Variants in SLFN5 observed in about 807,000 individuals in gnomAD.
SLFN5 encodes the protein schlafen family member 5.
Under a neutral mutation model 48.5 loss-of-function variants are expected in SLFN5, and 34 were observed. The observed-to-expected ratio is 0.70, with a 90% CI of 0.53 to 0.93. The LOEUF is 0.93. Ranked by LOEUF, SLFN5 falls within the 40% of genes least tolerant of loss-of-function variation. The probability of loss-of-function intolerance (pLI) is 0.00; values close to 1 mark genes in which losing one functional copy is unlikely to be tolerated. For missense variants in SLFN5, 1,006 were observed against 1,071.3 expected (o/e 0.94, Z 0.85); for synonymous variants, 387 against 396.2 (o/e 0.98, Z 0.28).
intron 3 of SLFN5, among the ~76,000 whole-genome samples, chr17:35,262,520 C>T (rs904423474): frequency 5.3e-5 from 8 of 152,106 alleles, no homozygotes; most frequent in African/African-American, 1.4e-4. Context: ...GGTATTATCA[C>T]GGCATTTCTC....
chr17:35,273,634 G>T lies in SLFN5; in HGVS notation c.*7746G>T, dbSNP rs1261439199. On this transcript the variant is annotated 3_prime_UTR_variant, in exon 5 of 5. Transcript: ENST00000299977. Reference sequence around the variant, plus strand: ...CTTCAAGCTTTTTTTTTAAATAAAAGAAATGCAATATTGCAATTAAATTTG... The same window carrying T: ...CTTCAAGCTTTTTTTTTAAATAAAATAAATGCAATATTGCAATTAAATTTG... The T allele has an allele frequency of 6.6e-6, 1 of 151,886 alleles. No individual in the cohort carries two copies. Among genetic ancestry groups the T allele is most frequent in the Non-Finnish European group, 1.5e-5 (1 of 67,974 alleles). The allele number at this position is 151,886 out of a possible 1,614,324, so 9.4% of individuals were successfully genotyped here. A position where few individuals can be genotyped will look rare whatever the true frequency, so the allele number is the denominator to read the frequency against.
chr17:35,249,541 A>G (rs989255314), intron 1 of SLFN5, among the ~76,000 whole-genome samples: 1 of 152,160 alleles, frequency 6.6e-6, no homozygotes, highest in Non-Finnish European at 1.5e-5. Flanking sequence ...CTTTTGCTCA[A>G]TCTCTTCCTC....
At chr17:35,249,092 C>T (rs190578616) in intron 1 of SLFN5, among the ~76,000 whole-genome samples, 1 of 152,132 alleles carries the variant, frequency 6.6e-6, no homozygotes, top group Non-Finnish European at 1.5e-5. Context: ...TAGGAAATAC[C>T]TTCCAACACA....
At chr17:35,262,831 C>A (rs1904559132) in intron 3 of SLFN5, among the ~76,000 whole-genome samples, 1 of 152,032 alleles carries the variant, frequency 6.6e-6, no homozygotes, top group African/African-American at 2.4e-5. Flanking sequence ...ACCATTGTAC[C>A]CCAGTTTAGG....
chr17:35,246,383 T>C (rs967609673), intron 1 of SLFN5, among the ~76,000 whole-genome samples: 4 of 152,172 alleles, frequency 2.6e-5, no homozygotes, highest in Non-Finnish European at 2.9e-5. Flanking sequence ...GGTGGTTTGC[T>C]GCACAGATCA....
chr17:35,259,012 G>T lies in SLFN5; in HGVS notation c.322G>T (p.Val108Leu). The T allele has an allele frequency of 6.2e-7, 1 of 1,614,190 alleles. No individual in the cohort carries two copies. The highest frequency in any genetic ancestry group is 1.1e-5 in the South Asian group (1 of 91,086). ...GAAATCATGGAACACAGAGGCTGGT[G>T]TGCCACTTGCTACCTTATGCTCCAA... ...FVKSWNTEAGVPLATLCSNLY... is the reference protein window; with the variant it reads ...FVKSWNTEAGLPLATLCSNLY... The change falls in exon 2 of 5, where the codon GTG (valine) becomes TTG (leucine). Residue 108 changes from valine (V) to leucine (L), a missense_variant. Val to Leu is a conservative substitution (Grantham distance 32). Transcript: ENST00000299977.
In SLFN5 at chr17:35,250,421, A is replaced by C. The variant is rs188026253; in HGVS notation, c.-41+7278A>C. Among the ~76,000 whole-genome samples the C allele has an allele frequency of 6.9e-4, 105 of 152,312 alleles. 1 individual carries two copies. The highest frequency in any genetic ancestry group is 2.4e-3 in the African/African-American group (98 of 41,582). On this transcript the variant is annotated intron_variant, in intron 1 of 4. Transcript: ENST00000299977. ...ACGCCTGTAATCCCAGCACTTTGGG[A>C]GGCCGAGGCGGGCGGATCACGAGGT...
Position 35,261,114 on chromosome 17 carries a change from G to A in SLFN5, c.1138+18G>A, listed in dbSNP as rs1167496746. ...CTTTCCAGGTAATTGGCCATCTCTG[G>A]TTGCTTTGGAATATGTTGATTGTTC... On this transcript the variant is annotated intron_variant, in intron 3 of 4. Coordinates refer to ENST00000299977, the MANE Select transcript of SLFN5 (RefSeq NM_144975.4). 2 of 1,611,200 alleles carry A rather than the reference G, an allele frequency of 1.2e-6. No homozygotes were observed. Among genetic ancestry groups the A allele is most frequent in the African/African-American group, 2.7e-5 (2 of 74,876 alleles).
chr17:35,243,977 A>G (rs1329482048), intron 1 of SLFN5, among the ~76,000 whole-genome samples: 1 of 152,048 alleles, frequency 6.6e-6, no homozygotes, highest in Non-Finnish European at 1.5e-5. Context: ...AGGGAGGGGG[A>G]ATTTCAGGGA....
In SLFN5 at chr17:35,258,824, G is replaced by A. The variant is rs369050646; in HGVS notation, c.134G>A (p.Arg45Gln). 2.1e-4 allele frequency: 337 copies of A among 1,614,024 alleles called. 1 individual carries two copies. The highest frequency in any genetic ancestry group is 2.7e-4 in the Non-Finnish European group (324 of 1,180,044). ...LREKQNEIIL[R>Q]AVCALLNSGG... ...GAGAAACAGAATGAAATCATCCTGC[G>A]AGCAGTATGTGCTCTGCTGAATTCT... Residue 45 changes from arginine (R) to glutamine (Q), a missense_variant, in exon 2 of 5, where the codon CGA becomes CAA. By Grantham distance (43) the Arg-to-Gln change is conservative. Transcript: ENST00000299977.
intron 1 of SLFN5, among the ~76,000 whole-genome samples, chr17:35,249,473 T>C (rs2092437660): frequency 6.6e-6 from 1 of 152,192 alleles, no homozygotes; most frequent in Non-Finnish European, 1.5e-5. Flanking sequence ...ATACAGGTGG[T>C]CAACTTCATC....
At position 35,264,915 on chromosome 17, in the gene SLFN5, G is replaced by C; in HGVS notation, c.1859+12G>C. 1.3e-6 allele frequency: 2 copies of C among 1,545,114 alleles called. No individual in the cohort carries two copies. Among genetic ancestry groups the C allele is most frequent in the East Asian group, 2.2e-5 (1 of 44,656 alleles). Reference sequence around the variant, plus strand: ...AAGAAGTTGGTGAGGTATGCTGCTTGTCTGTGTTCACTTTATTTTCTTGAG... The same window carrying C: ...AAGAAGTTGGTGAGGTATGCTGCTTCTCTGTGTTCACTTTATTTTCTTGAG... On this transcript the variant is annotated intron_variant, in intron 4 of 4. Transcript: ENST00000299977.
chr17:35,264,627 C>A lies in SLFN5; in HGVS notation c.1583C>A (p.Ala528Asp). The A allele has an allele frequency of 6.2e-7, 1 of 1,614,184 alleles. No individual in the cohort carries two copies. The highest frequency in any genetic ancestry group is 2.2e-5 in the East Asian group (1 of 44,886). The change falls in exon 4 of 5, where the codon GCC (alanine) becomes GAC (aspartate). Residue 528 changes from alanine to aspartate, a missense_variant. By Grantham distance (126) the Ala-to-Asp change is moderately radical. Coordinates refer to ENST00000299977, the MANE Select transcript of SLFN5 (RefSeq NM_144975.4). Reference protein sequence around the residue: ...YNFMTPQHMEALLQSLVIVLL... With the variant: ...YNFMTPQHMEDLLQSLVIVLL... ...TTCATGACCCCCCAGCACATGGAAG[C>A]CCTGTTACAGTCCCTCGTGATAGTC...
At chr17:35,244,333 C>T (rs2092425845) in intron 1 of SLFN5, among the ~76,000 whole-genome samples, 1 of 151,972 alleles carries the variant, frequency 6.6e-6, no homozygotes, top group African/African-American at 2.4e-5. Flanking sequence ...CTAGTGCAGG[C>T]AGGAAGGGAT....
At chr17:35,250,292 G>A (rs892725190) in intron 1 of SLFN5, among the ~76,000 whole-genome samples, 3 of 152,190 alleles carry the variant, frequency 2.0e-5, no homozygotes, top group African/African-American at 7.2e-5. Flanking sequence ...CCTTGGGAAG[G>A]ACAATGGTAT....
chr17:35,270,456 T>G lies in SLFN5; in HGVS notation c.*4568T>G, dbSNP rs1361404615. On this transcript the variant is annotated 3_prime_UTR_variant, in exon 5 of 5. Coordinates refer to ENST00000299977, the MANE Select transcript of SLFN5 (RefSeq NM_144975.4). ...AAAACCTATGAGTCATTGGTACAGG[T>G]AGGGAAAATCTAGGTAAACCACGGT... 6.6e-6 allele frequency: 1 copy of G among 152,138 alleles called. No individual in the cohort carries two copies. The highest frequency in any genetic ancestry group is 6.5e-5 in the Admixed American group (1 of 15,268). The allele number at this position is 152,138 out of a possible 1,614,324, so 9.4% of individuals were successfully genotyped here.
chr17:35,246,227 A>T (rs1365017580), intron 1 of SLFN5, among the ~76,000 whole-genome samples: 1 of 152,172 alleles, frequency 6.6e-6, no homozygotes, highest in African/African-American at 2.4e-5. Flanking sequence ...TAATCTACTT[A>T]CAAGTTCTTT....
Position 35,267,316 on chromosome 17 carries a change from A to C in SLFN5, c.*1428A>C, listed in dbSNP as rs576295873. 4.6e-5 allele frequency: 7 copies of C among 152,332 alleles called. 1 individual carries two copies. The highest frequency in any genetic ancestry group is 9.6e-5 in the African/African-American group (4 of 41,564). 9.4% of individuals were successfully genotyped at this position (152,332 alleles called of 1,614,324 possible). ...GTGCAAAATTAGTAAAAATATACCC[A>C]AAAATTTACCAGCAACAGAGAAGCA... On this transcript the variant is annotated 3_prime_UTR_variant, in exon 5 of 5. Transcript: ENST00000299977.
chr17:35,251,395 G>GT (rs372701510), intron 1 of SLFN5, among the ~76,000 whole-genome samples: 132 of 151,892 alleles, frequency 8.7e-4, no homozygotes, highest in African/African-American at 2.6e-3. Context: ...CTAATTTGGG[G>GT]TTTTTTTTTG....
Sources: allele counts gnomAD v4.1 joint callset (sites outside exome capture counted in the v4.1 genomes callset), GRCh38; gene constraint gnomAD v4.1.1; transcripts MANE v1.5; gene names NCBI Gene and HGNC (gene_info 2026-07-23, HGNC 2026-07-21).